KDM1B: variants seen among roughly 807,000 people sequenced by gnomAD.
KDM1B encodes lysine-specific histone demethylase 2.
A neutral mutation model predicts 107.4 loss-of-function variants in KDM1B; 63 were observed. The ratio of observed to expected loss-of-function variants is 0.59; its 90% CI spans 0.48 to 0.72. The LOEUF is 0.72. Ranked by LOEUF, KDM1B falls within the 30% of genes least tolerant of loss-of-function variation. The pLI, the probability that KDM1B is intolerant of heterozygous loss-of-function variation, is 0.00. For synonymous variants in KDM1B, 363 were observed against 363.9 expected, an observed-to-expected ratio of 1.00 and a Z score of 0.03; for missense variants, 749 against 1,020.8, an observed-to-expected ratio of 0.73 and a Z score of 3.63.
At position 18,200,190 on chromosome 6, in the gene KDM1B, A is replaced by G. The variant is rs753018942; in HGVS notation, c.1222-249A>G. Among the ~76,000 whole-genome samples the G allele has an allele frequency of 1.1e-4, 16 of 152,198 alleles. No individual in the cohort carries two copies. Among genetic ancestry groups the G allele is most frequent in the Non-Finnish European group, 2.1e-4 (14 of 68,030 alleles). On this transcript the variant is annotated intron_variant, in intron 12 of 21. Transcript: ENST00000650836. The surrounding 1 kb of genome is among the most constrained non-coding windows in gnomAD (Gnocchi z 4.3). ...CATCTGGCCTAGTTCATCAAATCTT[A>G]GTATCTGGTTTGAGTGATTCTTTCA...
intron 17 of KDM1B, among the ~76,000 whole-genome samples, chr6:18,208,628 T>TATATATATATATATATATATATA (rs1491350264): frequency 1.9e-3 from 30 of 16,200 alleles, no homozygotes; most frequent in South Asian, 6.4e-3. Context: ...TATATATATA[T>TATATATATATATATATATATATA]TTTTTTTTTT....
At chr6:18,168,971 A>T (rs1304849015) in intron 6 of KDM1B, among the ~76,000 whole-genome samples, 1 of 151,810 alleles carries the variant, frequency 6.6e-6, no homozygotes, top group Non-Finnish European at 1.5e-5. Flanking sequence ...TTCTGGGTTC[A>T]AGCCATTCTC....
In KDM1B at chr6:18,197,959, T is replaced by C. The variant is rs933550665; in HGVS notation, c.1221+298T>C. ...TTTTTTTTTTGAGACAGAGTCTTGCTCTGTCGCCCAGGCTGGAGTGCAGCA... is the reference window on the plus strand; with the variant it reads ...TTTTTTTTTTGAGACAGAGTCTTGCCCTGTCGCCCAGGCTGGAGTGCAGCA... On this transcript the variant is annotated intron_variant, in intron 12 of 21. Coordinates refer to ENST00000650836, the MANE Select transcript of KDM1B (RefSeq NM_001364614.2). This position sits in a 1 kb window ranked among gnomAD's most constrained non-coding sequence, Gnocchi z 4.5. 6.7e-6 allele frequency among the ~76,000 whole-genome samples: 1 copy of C among 148,332 alleles called. No individual in the cohort carries two copies. Among genetic ancestry groups the C allele is most frequent in the Admixed American group, 6.8e-5 (1 of 14,636 alleles).
Position 18,190,305 on chromosome 6 carries a change from TAAG to T in KDM1B, c.785-888_785-886del, listed in dbSNP as rs147166670. On this transcript the variant is annotated intron_variant, in intron 9 of 21. Coordinates refer to ENST00000650836, the MANE Select transcript of KDM1B (RefSeq NM_001364614.2). ...ACTGAACTGTACACTTAAAAACAGA[TAAG>T]AAGGCCGGGCGCAGTGGCTCACGCC... is the stretch of plus-strand genomic sequence containing the variant. Among the ~76,000 whole-genome samples the T allele has an allele frequency of 6.7e-4, 100 of 149,786 alleles. 3 individuals are homozygous for T. In the East Asian group the frequency reaches 0.019, roughly 28 times the overall value.
intron 6 of KDM1B, among the ~76,000 whole-genome samples, chr6:18,167,184 G>A (rs1285826486): frequency 3.3e-5 from 5 of 151,720 alleles, no homozygotes; most frequent in Non-Finnish European, 4.4e-5. Context: ...GGGAAACCCC[G>A]TCTCTACTAA....
At position 18,203,852 on chromosome 6, in the gene KDM1B, CA is replaced by C. The variant is rs11323463; in HGVS notation, c.1532-1667del. On this transcript the variant is annotated intron_variant, in intron 14 of 21. Coordinates refer to ENST00000650836, the MANE Select transcript of KDM1B (RefSeq NM_001364614.2). This position sits in a 1 kb window ranked among gnomAD's most constrained non-coding sequence, Gnocchi z 5.5. ...TTGATGACAAGCGAAACTCCGTCTCCAAAAAAAAAAAAAAAAAATCACATTG... is the reference window on the plus strand; with the variant it reads ...TTGATGACAAGCGAAACTCCGTCTCCAAAAAAAAAAAAAAAAATCACATTG... Among the ~76,000 whole-genome samples, 75,491 of 131,484 alleles carry C rather than the reference CA, an allele frequency of 0.57. 21,517 individuals carry two copies. Among genetic ancestry groups the C allele is most frequent in the African/African-American group, 0.72 (24,963 of 34,826 alleles). The allele number at this position is 131,484 out of a possible 152,430, so 86.3% of individuals were successfully genotyped here.
chr6:18,221,064 GCTTCCTTCCCTCACTGCCA>G (rs1789686597), intron 21 of KDM1B, among the ~76,000 whole-genome samples: 1 of 151,814 alleles, frequency 6.6e-6, no homozygotes, highest in African/African-American at 2.4e-5. Flanking sequence ...TATTTCTGAG[GCTTCCTTCCCTCACTGCCA>G]CTTTCTCCCC....
In KDM1B at chr6:18,207,254, G is replaced by C. The variant is rs907046331; in HGVS notation, c.1660-144G>C. Reference sequence around the variant, plus strand: ...AAAATTATCGAGATTTCCTCCCCCAGTGGTGGTCTCTGCCTAGGCTGGTCT... The same window carrying C: ...AAAATTATCGAGATTTCCTCCCCCACTGGTGGTCTCTGCCTAGGCTGGTCT... On this transcript the variant is annotated intron_variant, in intron 15 of 21. Coordinates refer to ENST00000650836, the MANE Select transcript of KDM1B (RefSeq NM_001364614.2). 4 of 690,592 alleles carry C rather than the reference G, an allele frequency of 5.8e-6. No individual in the cohort carries two copies. The African/African-American group carries it at 7.0e-5, about 12-fold the overall frequency. 42.8% of individuals were successfully genotyped at this position (690,592 alleles called of 1,614,324 possible).
chr6:18,200,533 T>C lies in KDM1B; in HGVS notation c.1316T>C (p.Val439Ala). Residue 439 changes from valine (V) to alanine (A), a missense_variant, in exon 13 of 22, where the codon GTC becomes GCC. Transcript: ENST00000650836. The surrounding 1 kb of genome is among the most constrained non-coding windows in gnomAD (Gnocchi z 4.3). Reference sequence around the variant, plus strand: ...ACAGTGGGAAGAGGAGCTCAGATTGTCAATGGGTGTATTAACAACCCAGTA... The same window carrying C: ...ACAGTGGGAAGAGGAGCTCAGATTGCCAATGGGTGTATTAACAACCCAGTA... ...GVTVGRGAQI[V>A]NGCINNPVAL... The C allele has an allele frequency of 6.2e-7, 1 of 1,614,088 alleles. No homozygotes were observed. Among genetic ancestry groups the C allele is most frequent in the Non-Finnish European group, 8.5e-7 (1 of 1,179,934 alleles).
In KDM1B at chr6:18,177,699, G is replaced by T. The variant is rs181601512; in HGVS notation, c.534+6220G>T. On this transcript the variant is annotated intron_variant, in intron 7 of 21. Coordinates refer to ENST00000650836, the MANE Select transcript of KDM1B (RefSeq NM_001364614.2). The stretch of plus-strand genomic sequence containing the variant: ...GCTGGGATTACAGGCGTTAGCCACC[G>T]CACCTGGCACCACACCTGTTTTGTA... Among the ~76,000 whole-genome samples the T allele has an allele frequency of 8.6e-5, 13 of 151,798 alleles. No homozygotes were observed. The South Asian group carries it at 1.0e-3, about 12-fold the overall frequency.
intron 10 of KDM1B, among the ~76,000 whole-genome samples, chr6:18,194,654 AT>A (rs1787527546): frequency 6.6e-6 from 1 of 151,520 alleles, no homozygotes; most frequent in Non-Finnish European, 1.5e-5. Context: ...AATTTACCAT[AT>A]TTTTTTCCTT....
Position 18,213,663 on chromosome 6 carries a change from T to C in KDM1B, c.1991T>C (p.Leu664Ser), listed in dbSNP as rs369749190. Residue 664 changes from leucine (L) to serine (S), a missense_variant, in exon 19 of 22, where the codon TTG (leucine) becomes TCG (serine). Physicochemically the swap from Leu to Ser is moderately radical, Grantham distance 145 (BLOSUM62 -2). Transcript: ENST00000650836. This position sits in a 1 kb window ranked among gnomAD's most constrained non-coding sequence, Gnocchi z 5.9. Reference protein sequence around the residue: ...LGAGIIEKIALQFPYRFWDSK... With the variant: ...LGAGIIEKIASQFPYRFWDSK... ...CTTCTGCTCACTTTGCAGATTGCCT[T>C]GCAATTTCCGTATAGATTTTGGGAC... 3.7e-6 allele frequency: 6 copies of C among 1,614,010 alleles called. No homozygotes were observed. The highest frequency in any genetic ancestry group is 5.1e-6 in the Non-Finnish European group (6 of 1,179,998).
chr6:18,158,647 C>T (rs1784784723), intron 2 of KDM1B, among the ~76,000 whole-genome samples: 1 of 151,980 alleles, frequency 6.6e-6, no homozygotes, highest in Non-Finnish European at 1.5e-5. Flanking sequence ...TAGTTAAATC[C>T]AATAGATCAA....
intron 10 of KDM1B, 126 bp from the exon 11 acceptor site, chr6:18,196,931 C>A: frequency 1.1e-6 from 1 of 879,262 alleles, no homozygotes; most frequent in Non-Finnish European, 1.8e-6. Flanking sequence ...GCCATTTGAG[C>A]ATCTGCCTTT....
intron 4 of KDM1B, among the ~76,000 whole-genome samples, chr6:18,161,816 T>TG (rs1784991401): frequency 6.6e-6 from 1 of 152,180 alleles, no homozygotes; most frequent in South Asian, 2.1e-4. Flanking sequence ...TACTTTTCGT[T>TG]GTGTTTTTCT....
chr6:18,215,209 G>A (rs914745162), intron 20 of KDM1B, 80 bp downstream of exon 20: 249 of 1,481,936 alleles, frequency 1.7e-4, no homozygotes, highest in Non-Finnish European at 2.1e-4. Flanking sequence ...AGCAGCCAGC[G>A]TCACTGAGAA....
chr6:18,173,195 T>G (rs988289406), intron 7 of KDM1B, among the ~76,000 whole-genome samples: 4 of 152,162 alleles, frequency 2.6e-5, no homozygotes, highest in African/African-American at 9.7e-5. Context: ...ACTACAACAT[T>G]TTGTAGTGTT....
rs775831565 is a variant in KDM1B at position 18,162,967 on chromosome 6, C to T, written c.305+43C>T. On this transcript the variant is annotated intron_variant, in intron 5 of 21. Transcript: ENST00000650836. This position sits in a 1 kb window ranked among gnomAD's most constrained non-coding sequence, Gnocchi z 4.1. ...GTGAGGTTTCCCTGGAGAAGGGGAC[C>T]GTGGCAGGGGCAGTGCGTGTGGTCA... 1.4e-5 allele frequency: 17 copies of T among 1,210,670 alleles called. No individual in the cohort carries two copies. Among genetic ancestry groups the T allele is most frequent in the Non-Finnish European group, 1.7e-5 (14 of 812,062 alleles). 75.0% of individuals were successfully genotyped at this position (1,210,670 alleles called of 1,614,324 possible).
chr6:18,215,608 C>T (rs1789161027), intron 20 of KDM1B, among the ~76,000 whole-genome samples: 2 of 152,200 alleles, frequency 1.3e-5, no homozygotes, highest in Admixed American at 1.3e-4. Flanking sequence ...CAGTCACATT[C>T]TGAGGCACTG....
Sources: gnomAD v4.1 joint callset for allele counts (sites outside exome capture counted in the v4.1 genomes callset) on GRCh38, gnomAD v4.1.1 for gene constraint, Gnocchi (gnomAD v3.1) non-coding constraint, MANE v1.5 for transcripts, NCBI Gene and HGNC (gene_info 2026-07-23, HGNC 2026-07-21) for gene names.